The following RNF17 variants were observed in gnomAD, a reference collection of about 807,000 sequenced individuals.
RNF17 encodes ring finger protein 17.
In RNF17, 31 loss-of-function variants were observed where a neutral mutation model predicts 200.5. The observed-to-expected ratio is 0.15, with a 90% CI of 0.12 to 0.21. RNF17 has a LOEUF of 0.21. RNF17 is among the 10% of genes least tolerant of loss of function. RNF17 has a pLI of 1.00. For missense variants in RNF17, 1,628 were observed against 1,905.1 expected (o/e 0.85, Z 2.71); for synonymous variants, 606 against 637.8 (o/e 0.95, Z 0.75).
chr13:24,760,270 T>C (rs1468404822), upstream of RNF17, among the ~76,000 whole-genome samples: 3 of 152,090 alleles, frequency 2.0e-5, no homozygotes, highest in Non-Finnish European at 1.5e-5. Flanking sequence ...ATGATTATGA[T>C]AAAAAGGGCC....
chr13:24,831,386 G>T (rs1889371989), intron 17 of RNF17, among the ~76,000 whole-genome samples: 1 of 152,140 alleles, frequency 6.6e-6, no homozygotes, highest in Non-Finnish European at 1.5e-5. Context: ...AGGTTGCGGT[G>T]AACCAAGATC....
At chr13:24,771,195 A>G (rs1320690329) in intron 2 of RNF17, among the ~76,000 whole-genome samples, 1 of 152,108 alleles carries the variant, frequency 6.6e-6, no homozygotes, top group Non-Finnish European at 1.5e-5. Context: ...CTGTTCCCCC[A>G]GACTGGAGTG....
the RNF17 span, among the ~76,000 whole-genome samples, chr13:24,755,973 G>A: frequency 1.3e-5 from 2 of 152,042 alleles, no homozygotes; most frequent in South Asian, 2.1e-4. Context: ...ACCAGTATTC[G>A]ACATGTTTTG....
At chr13:24,884,175 G>C (rs1157686013), downstream of RNF17, 1 of 1,614,016 alleles carries the variant, frequency 6.2e-7, no homozygotes, top group South Asian at 1.1e-5. Context: ...TTGTCCACTT[G>C]AGAAATGTAA....
chr13:24,825,771 C>T lies in RNF17; in HGVS notation c.2244C>T (p.Ile748=), dbSNP rs756925498. The part of the protein sequence containing the change: ...EDGIWYRAKV[I]GLPGHQEVEV... ...GAATTTGGTACCGAGCAAAAGTTAT[C>T]GGTAGGAGAATGCATGCTGTTTCTA... Residue 748 remains isoleucine, a splice_region_variant and synonymous_variant, in exon 16 of 36, where the codon ATC becomes ATT. Coordinates refer to ENST00000255324, the MANE Select transcript of RNF17 (RefSeq NM_031277.3). 1.7e-5 allele frequency: 27 copies of T among 1,611,188 alleles called. No individual in the cohort carries two copies. The highest frequency in any genetic ancestry group is 1.6e-4 in the East Asian group (7 of 44,800).
intron 18 of RNF17, among the ~76,000 whole-genome samples, chr13:24,838,216 A>G (rs1467659939): frequency 2.0e-4 from 30 of 152,054 alleles, no homozygotes; most frequent in Non-Finnish European, 7.4e-5. Flanking sequence ...ACCAACAAAA[A>G]AAAGGACCAG....
chr13:24,886,962 T>C, the RNF17 span, among the ~76,000 whole-genome samples: 1 of 152,110 alleles, frequency 6.6e-6, no homozygotes. Context: ...ACCGTGGGCA[T>C]AGACAGGCTC....
chr13:24,785,905 A>G (rs1183897279), intron 6 of RNF17, among the ~76,000 whole-genome samples: 3 of 152,122 alleles, frequency 2.0e-5, no homozygotes, highest in Non-Finnish European at 2.9e-5. Flanking sequence ...CAACCTCTAT[A>G]TGTCTTTAGA....
the RNF17 span, chr13:24,886,382 G>T: frequency 7.8e-7 from 1 of 1,288,726 alleles, no homozygotes; most frequent in Non-Finnish European, 1.0e-6. Flanking sequence ...CGGCTGTGCT[G>T]TGCCTGTGAG....
Position 24,839,612 on chromosome 13 carries a change from AC to A in RNF17, c.2483-2428del, listed in dbSNP as rs1285396578. 9.2e-5 allele frequency among the ~76,000 whole-genome samples: 14 copies of A among 152,322 alleles called. No individual in the cohort carries two copies. In the East Asian group the frequency reaches 2.7e-3, roughly 29 times the overall value. On this transcript the variant is annotated intron_variant, in intron 18 of 35. Coordinates refer to ENST00000255324, the MANE Select transcript of RNF17 (RefSeq NM_031277.3). ...CAGCCACTGATCTTTGACAAGGCAAACAAAAACATAAAGTGGGGAAAGGACA... is the reference window on the plus strand; with the variant it reads ...CAGCCACTGATCTTTGACAAGGCAAAAAAAACATAAAGTGGGGAAAGGACA...
intron 33 of RNF17, among the ~76,000 whole-genome samples, chr13:24,874,914 G>A (rs7321912): frequency 0.62 from 94,941 of 151,924 alleles, 29,959 homozygotes; most frequent in South Asian, 0.73. Context: ...GCCTGTTCTG[G>A]GTACCTCATA....
At chr13:24,749,729 A>C in the RNF17 span, among the ~76,000 whole-genome samples, 3 of 151,794 alleles carry the variant, frequency 2.0e-5, no homozygotes, top group African/African-American at 7.3e-5. Context: ...GTTTGTTATT[A>C]ATTGCTCTTT....
At chr13:24,829,014 G>A (rs1566190600) in intron 16 of RNF17, among the ~76,000 whole-genome samples, 1 of 151,776 alleles carries the variant, frequency 6.6e-6, no homozygotes, top group African/African-American at 2.4e-5. Context: ...TCAAACTCCT[G>A]GGCTCAAGTG....
Position 24,789,354 on chromosome 13 carries a change from C to T in RNF17, c.790C>T (p.Arg264Trp), listed in dbSNP as rs1171024188. The T allele has an allele frequency of 4.4e-6, 7 of 1,591,502 alleles. No individual in the cohort carries two copies. Among genetic ancestry groups the T allele is most frequent in the African/African-American group, 2.7e-5 (2 of 74,516 alleles). Reference sequence around the variant, plus strand: ...TTTTTTTTTTAAATTCTAGATTATCCGGACTTTGCAGTTAACTTCAGATAG... The same window carrying T: ...TTTTTTTTTTAAATTCTAGATTATCTGGACTTTGCAGTTAACTTCAGATAG... ...RTYCDLNQII[R>W]TLQLTSDSEL... The change falls in exon 8 of 36, where the codon CGG (arginine) becomes TGG (tryptophan). Residue 264 changes from arginine to tryptophan, a missense_variant. By Grantham distance (101) the Arg-to-Trp change is moderately radical. Coordinates refer to ENST00000255324, the MANE Select transcript of RNF17 (RefSeq NM_031277.3).
chr13:24,762,623 G>C (rs1367935429), upstream of RNF17, among the ~76,000 whole-genome samples: 2 of 152,118 alleles, frequency 1.3e-5, no homozygotes, highest in South Asian at 2.1e-4. Flanking sequence ...AAAGATTTTT[G>C]AGCCGAAGTG....
intron 15 of RNF17, chr13:24,824,275 C>T: frequency 1.4e-6 from 1 of 695,682 alleles, no homozygotes; most frequent in Non-Finnish European, 2.6e-6. Flanking sequence ...CTTAAAGCTT[C>T]CTAATCTATT....
Position 24,859,850 on chromosome 13 carries a change from A to G in RNF17, c.3774+686A>G, listed in dbSNP as rs558332706. On this transcript the variant is annotated intron_variant, in intron 26 of 35. Transcript: ENST00000255324. ...AGGTTTTTTAGCTTCCTTCACATAT[A>G]TGCATTTATATTTTATAGTTTGTTT... is the stretch of plus-strand genomic sequence containing the variant. Among the ~76,000 whole-genome samples, 6 of 152,156 alleles carry G rather than the reference A, an allele frequency of 3.9e-5. No individual in the cohort carries two copies. The South Asian group carries it at 1.2e-3, about 32-fold the overall frequency.
chr13:24,852,342 G>GCA (rs1566226537), intron 24 of RNF17, among the ~76,000 whole-genome samples: 1 of 152,042 alleles, frequency 6.6e-6, no homozygotes, highest in East Asian at 1.9e-4. Context: ...GTTTCACCGT[G>GCA]TTAGCCAGGA....
At chr13:24,824,512 A>G (rs1421851059) in intron 15 of RNF17, 2 of 245,048 alleles carry the variant, frequency 8.2e-6, no homozygotes, top group South Asian at 1.3e-4. Flanking sequence ...ATTTTTTAAC[A>G]TTAAGAATTG....
Sources: allele counts gnomAD v4.1 joint callset (sites outside exome capture counted in the v4.1 genomes callset), GRCh38; gene constraint gnomAD v4.1.1; transcripts MANE v1.5; gene names NCBI Gene and HGNC (gene_info 2026-07-23, HGNC 2026-07-21).